The following AIG1 variants were observed in gnomAD, a reference collection of about 807,000 sequenced individuals.
AIG1 encodes the protein androgen induced 1, also known as androgen-induced gene 1 protein.
A neutral mutation model predicts 31.4 loss-of-function variants in AIG1; 23 were observed. The observed-to-expected ratio is 0.73, with a 90% CI of 0.53 to 1.04. AIG1 has a LOEUF of 1.04. AIG1 is among the 50% of genes least tolerant of loss of function. AIG1 has a pLI of 0.00. For missense variants in AIG1, 274 were observed against 295.0 expected (o/e 0.93, Z 0.52); for synonymous variants, 100 against 110.5 (o/e 0.90, Z 0.60).
Position 143,279,420 on chromosome 6 carries a change from A to C in AIG1, c.400-4690A>C, listed in dbSNP as rs1797184007. ...AAATCAGAACTAGATCTCAGATGCCAGCCTCCTAATCTTTCCACTTCATTA... is the reference window on the plus strand; with the variant it reads ...AAATCAGAACTAGATCTCAGATGCCCGCCTCCTAATCTTTCCACTTCATTA... On this transcript the variant is annotated intron_variant, in intron 3 of 5. Transcript: ENST00000357847. This position sits in a 1 kb window ranked among gnomAD's most constrained non-coding sequence, Gnocchi z 5.4. Among the ~76,000 whole-genome samples, 1 of 152,226 alleles carries C rather than the reference A, an allele frequency of 6.6e-6. No individual in the cohort carries two copies. The highest frequency in any genetic ancestry group is 2.4e-5 in the African/African-American group (1 of 41,456).
chr6:143,331,367 C>G lies in AIG1; in HGVS notation c.516-1915C>G, dbSNP rs1777059872. Among the ~76,000 whole-genome samples, 1 of 152,118 alleles carries G rather than the reference C, an allele frequency of 6.6e-6. No homozygotes were observed. The highest frequency in any genetic ancestry group is 1.5e-5 in the Non-Finnish European group (1 of 68,022). On this transcript the variant is annotated intron_variant, in intron 4 of 5. Transcript: ENST00000357847. This position sits in a 1 kb window ranked among gnomAD's most constrained non-coding sequence, Gnocchi z 4.1. ...ACAATAACTCCCTATTCTCCACTCC[C>G]CCGAGTCCCTGGTAACTGATAGATA...
At chr6:143,303,575 A>C (rs1426816696) in intron 4 of AIG1, among the ~76,000 whole-genome samples, 3 of 151,832 alleles carry the variant, frequency 2.0e-5, no homozygotes, top group African/African-American at 7.3e-5. Context: ...GTTCTGTTCC[A>C]TTGATCTATA....
At chr6:143,270,755 T>G (rs1796460254) in intron 3 of AIG1, among the ~76,000 whole-genome samples, 1 of 152,246 alleles carries the variant, frequency 6.6e-6, no homozygotes. Context: ...CCTTGAAGAT[T>G]AAAGCTGAAA....
chr6:143,076,114 A>T (rs1044459670), intron 1 of AIG1, among the ~76,000 whole-genome samples: 6 of 152,320 alleles, frequency 3.9e-5, no homozygotes, highest in African/African-American at 1.4e-4. Context: ...GGTCTTGTAT[A>T]TTCTTGCTTG....
chr6:143,264,442 A>C (rs1796015357), intron 3 of AIG1, among the ~76,000 whole-genome samples: 1 of 152,222 alleles, frequency 6.6e-6, no homozygotes. Flanking sequence ...CCACTGTGAA[A>C]AACTGATTGG....
At chr6:143,195,512 C>T (rs1324735200) in intron 3 of AIG1, among the ~76,000 whole-genome samples, 3 of 152,054 alleles carry the variant, frequency 2.0e-5, no homozygotes, top group African/African-American at 7.2e-5. Flanking sequence ...GTCAGATGAA[C>T]ATTTTAGAAG....
At chr6:143,337,922 T>G (rs1777630166) in intron 5 of AIG1, 1 of 398,698 alleles carries the variant, frequency 2.5e-6, no homozygotes, top group Non-Finnish European at 4.4e-6. Context: ...AAATTTTATC[T>G]CTGGTTCTTG....
chr6:143,236,371 T>C (rs12206292), intron 3 of AIG1, among the ~76,000 whole-genome samples: 13,394 of 152,338 alleles, frequency 0.088, 1,034 homozygotes, highest in East Asian at 0.31. Flanking sequence ...AATTTGTCGT[T>C]GTTCTGGAGT....
At chr6:143,093,799 GAGA>G (rs1779517016) in intron 1 of AIG1, among the ~76,000 whole-genome samples, 1 of 152,158 alleles carries the variant, frequency 6.6e-6, no homozygotes, top group Non-Finnish European at 1.5e-5. Flanking sequence ...GAGGCCTGAA[GAGA>G]AGGAGAAAAA....
chr6:143,322,070 A>G (rs896974583), intron 4 of AIG1, among the ~76,000 whole-genome samples: 7 of 152,220 alleles, frequency 4.6e-5, no homozygotes, highest in African/African-American at 1.4e-4. Flanking sequence ...TAGCCTTACT[A>G]CAGTTTGACA....
intron 2 of AIG1, among the ~76,000 whole-genome samples, chr6:143,151,038 G>A (rs542136383): frequency 2.6e-5 from 4 of 152,254 alleles, no homozygotes; most frequent in South Asian, 2.1e-4. Flanking sequence ...TTGCAGACTC[G>A]TGGACAGTAT....
At chr6:143,143,293 G>A (rs144642618) in intron 2 of AIG1, among the ~76,000 whole-genome samples, 165 of 150,098 alleles carry the variant, frequency 1.1e-3, no homozygotes, top group African/African-American at 3.6e-3. Context: ...TCAGGAGATC[G>A]AGACCATCCT....
chr6:143,214,082 G>A (rs188904903), intron 3 of AIG1, among the ~76,000 whole-genome samples: 1 of 152,246 alleles, frequency 6.6e-6, no homozygotes, highest in East Asian at 1.9e-4. Flanking sequence ...AAGAGACTTT[G>A]CCAAAGCCTA....
At chr6:143,139,031 A>T (rs553695547) in intron 2 of AIG1, among the ~76,000 whole-genome samples, 1 of 152,128 alleles carries the variant, frequency 6.6e-6, no homozygotes, top group Non-Finnish European at 1.5e-5. Context: ...TCTCCTCAAA[A>T]GCTCATGGCA....
At position 143,293,839 on chromosome 6, in the gene AIG1, A is replaced by G. The variant is rs1006043926; in HGVS notation, c.515+9614A>G. On this transcript the variant is annotated intron_variant, in intron 4 of 5. Coordinates refer to ENST00000357847, the MANE Select transcript of AIG1 (RefSeq NM_016108.4). This position sits in a 1 kb window ranked among gnomAD's most constrained non-coding sequence, Gnocchi z 4.8. ...GCTTCTTTTCCCCATAGTCTGCCCA[A>G]ATCACCAGTGTGATGCTGCTTGTGC... is the stretch of plus-strand genomic sequence containing the variant. Among the ~76,000 whole-genome samples the G allele has an allele frequency of 6.1e-4, 92 of 151,954 alleles. 1 individual carries two copies. The highest frequency in any genetic ancestry group is 2.2e-3 in the African/African-American group (91 of 41,330).
chr6:143,276,740 G>C (rs1449508027), intron 3 of AIG1, among the ~76,000 whole-genome samples: 2 of 151,402 alleles, frequency 1.3e-5, no homozygotes, highest in African/African-American at 4.8e-5. Context: ...GGGAGGGAGG[G>C]TAGCAGATTT....
intron 4 of AIG1, among the ~76,000 whole-genome samples, chr6:143,316,661 C>T (rs767441088): frequency 6.6e-6 from 1 of 151,496 alleles, no homozygotes; most frequent in Non-Finnish European, 1.5e-5. Context: ...CAGAGCTGAA[C>T]TAAATGAAAT....
At chr6:143,296,626 T>C (rs971289643) in intron 4 of AIG1, among the ~76,000 whole-genome samples, 5 of 152,122 alleles carry the variant, frequency 3.3e-5, no homozygotes, top group Admixed American at 3.3e-4. Flanking sequence ...TAAAATCTGG[T>C]TAAAAGTAAA....
chr6:143,278,512 A>T (rs1797108459), intron 3 of AIG1, among the ~76,000 whole-genome samples: 1 of 142,906 alleles, frequency 7.0e-6, no homozygotes, highest in Non-Finnish European at 1.5e-5. Context: ...TCTGTCACCC[A>T]GGCTGCAGTG....
Sources: gnomAD v4.1 joint callset for allele counts (sites outside exome capture counted in the v4.1 genomes callset) on GRCh38, gnomAD v4.1.1 for gene constraint, Gnocchi (gnomAD v3.1) non-coding constraint, MANE v1.5 for transcripts, NCBI Gene and HGNC (gene_info 2026-07-23, HGNC 2026-07-21) for gene names.